Variants in PDE8B observed in about 807,000 individuals in gnomAD.
PDE8B encodes the protein high affinity cAMP-specific and IBMX-insensitive 3',5'-cyclic phosphodiesterase 8B.
Under a neutral mutation model 101.3 loss-of-function variants are expected in PDE8B, and 26 were observed. The observed-to-expected ratio is 0.26, with a 90% CI of 0.19 to 0.36. PDE8B has a LOEUF of 0.36. Among genes scored for constraint, PDE8B ranks in the 10% least tolerant of loss-of-function variants. PDE8B has a pLI of 1.00. For missense variants in PDE8B, 810 were observed against 1,163.1 expected (o/e 0.70, Z 4.42); for synonymous variants, 424 against 429.3 (o/e 0.99, Z 0.15).
chr5:77,274,977 A>G (rs1763551543), intron 1 of PDE8B, among the ~76,000 whole-genome samples: 1 of 152,194 alleles, frequency 6.6e-6, no homozygotes, highest in South Asian at 2.1e-4. Context: ...CCACTGGCCC[A>G]CTAAAAGAAA....
At chr5:77,125,079 C>T in the PDE8B span, among the ~76,000 whole-genome samples, 1 of 152,190 alleles carries the variant, frequency 6.6e-6, no homozygotes, top group Non-Finnish European at 1.5e-5. Flanking sequence ...GCCTCAAACT[C>T]CTGGGCTGGC....
At chr5:77,115,192 T>G in the PDE8B span, 1 of 152,226 alleles carries the variant, frequency 6.6e-6, no homozygotes, top group Admixed American at 6.5e-5. Context: ...ATTTGATGAT[T>G]ATCATTCTGT....
the PDE8B span, among the ~76,000 whole-genome samples, chr5:77,201,779 A>G: frequency 6.6e-6 from 1 of 152,008 alleles, no homozygotes; most frequent in Non-Finnish European, 1.5e-5. Context: ...TACAAATTCC[A>G]TCTACTCAAT....
chr5:77,362,357 T>C (rs770692565), intron 10 of PDE8B, among the ~76,000 whole-genome samples: 10 of 152,232 alleles, frequency 6.6e-5, no homozygotes, highest in Non-Finnish European at 1.0e-4. Context: ...AGCCCATCCC[T>C]TCCCAAGCAC....
chr5:77,115,142 AAG>A, the PDE8B span: 2 of 152,204 alleles, frequency 1.3e-5, no homozygotes, highest in African/African-American at 2.4e-5. Flanking sequence ...GATAAAGAGA[AAG>A]AGAGTGAAAG....
At chr5:77,152,186 C>T in the PDE8B span, 2 of 152,280 alleles carry the variant, frequency 1.3e-5, no homozygotes, top group South Asian at 2.1e-4. Flanking sequence ...ATCCGTTTGG[C>T]CTCTCTTTTC....
intron 1 of PDE8B, among the ~76,000 whole-genome samples, chr5:77,306,122 G>A (rs1189324396): frequency 1.3e-5 from 2 of 152,158 alleles, no homozygotes; most frequent in African/African-American, 4.8e-5. Context: ...CCAGGCACAA[G>A]CAGGGATCGC....
At chr5:77,372,333 C>A (rs994000364) in intron 10 of PDE8B, among the ~76,000 whole-genome samples, 5 of 152,208 alleles carry the variant, frequency 3.3e-5, no homozygotes, top group Non-Finnish European at 5.9e-5. Flanking sequence ...CACAAAAAGT[C>A]ATGTCTTTCA....
intron 7 of PDE8B, among the ~76,000 whole-genome samples, chr5:77,347,044 G>T (rs139816528): frequency 6.6e-6 from 1 of 152,234 alleles, no homozygotes; most frequent in South Asian, 2.1e-4. Flanking sequence ...ATCTGTGTCT[G>T]TCTATCCATC....
At chr5:77,176,228 C>T in the PDE8B span, among the ~76,000 whole-genome samples, 8 of 152,064 alleles carry the variant, frequency 5.3e-5, no homozygotes, top group South Asian at 1.0e-3. Context: ...CAACTAGACA[C>T]GCAGCACCGT....
chr5:77,415,531 G>C (rs1273380875), intron 17 of PDE8B, among the ~76,000 whole-genome samples: 1 of 151,860 alleles, frequency 6.6e-6, no homozygotes, highest in Non-Finnish European at 1.5e-5. Context: ...GCTAATTTTT[G>C]TATGTTTAGT....
intron 1 of PDE8B, among the ~76,000 whole-genome samples, chr5:77,272,741 A>G (rs1011327810): frequency 6.6e-6 from 1 of 152,336 alleles, no homozygotes. Context: ...AGAGTAGAAC[A>G]CATGGTTCAG....
chr5:77,248,379 A>G (rs904924752), intron 1 of PDE8B, among the ~76,000 whole-genome samples: 8 of 152,232 alleles, frequency 5.3e-5, no homozygotes, highest in African/African-American at 1.9e-4. Flanking sequence ...AGGAGAGAGT[A>G]TAACTGCACT....
rs767163990 is a variant in PDE8B, at chr5:77,329,043, A to G, written c.636A>G (p.Ala212=). ...CCTCCGAGCACACGGTGATCCTCGC[A>G]GTGGTTTCGCGAGTGTAAGTGCACC... is the stretch of plus-strand genomic sequence containing the variant. The part of the protein sequence containing the change: ...TNPSEHTVIL[A]VVSRVSDDHE... The change falls in exon 4 of 22, where the codon GCA becomes GCG. Residue 212 remains alanine, a synonymous_variant. Coordinates refer to ENST00000264917, the MANE Select transcript of PDE8B (RefSeq NM_003719.5). The G allele has an allele frequency of 3.7e-6, 6 of 1,613,672 alleles. No homozygotes were observed. The highest frequency in any genetic ancestry group is 1.3e-5 in the African/African-American group (1 of 74,912).
chr5:77,420,388 C>G (rs1344970912), intron 19 of PDE8B, among the ~76,000 whole-genome samples: 1 of 126,314 alleles, frequency 7.9e-6, no homozygotes, highest in Non-Finnish European at 1.8e-5. Flanking sequence ...ACTCATGTAC[C>G]TTGGACCTGC....
chr5:77,236,889 A>G (rs1214803777), intron 1 of PDE8B, among the ~76,000 whole-genome samples: 1 of 152,292 alleles, frequency 6.6e-6, no homozygotes, highest in East Asian at 1.9e-4. Flanking sequence ...GAGACCTCCA[A>G]CTGTAATTGT....
At chr5:77,353,266 A>C in intron 9 of PDE8B, 80 bp from the exon 10 acceptor site, 1 of 832,676 alleles carries the variant, frequency 1.2e-6, no homozygotes, top group Admixed American at 1.7e-5. Flanking sequence ...TAGCTTTAAG[A>C]AGTCTGTTGA....
the PDE8B span, among the ~76,000 whole-genome samples, chr5:77,181,756 T>G: frequency 2.0e-5 from 3 of 152,120 alleles, no homozygotes; most frequent in Non-Finnish European, 4.4e-5. Flanking sequence ...TAGTTACAAG[T>G]GCTTCTGTCT....
rs137992956 is a variant in PDE8B, at chr5:77,400,305, A to G, written c.1210+15A>G. 2.3e-5 allele frequency: 35 copies of G among 1,513,504 alleles called. 1 individual carries two copies. The African/African-American group carries it at 2.5e-4, about 11-fold the overall frequency. 93.8% of individuals were successfully genotyped at this position (1,513,504 alleles called of 1,614,324 possible). A position where few individuals can be genotyped will look rare whatever the true frequency, so the allele number is the denominator to read the frequency against. ...TTCTCAGACAGGTGAGAATACTTCA[A>G]TTGAACTCTAACATACTTAGGAGGC... On this transcript the variant is annotated intron_variant, in intron 11 of 21. Coordinates refer to ENST00000264917, the MANE Select transcript of PDE8B (RefSeq NM_003719.5).
Sources: allele counts gnomAD v4.1 joint callset (sites outside exome capture counted in the v4.1 genomes callset), GRCh38; gene constraint gnomAD v4.1.1; transcripts MANE v1.5; gene names NCBI Gene and HGNC (gene_info 2026-07-23, HGNC 2026-07-21).